Variants in MYH2 observed in about 807,000 individuals in gnomAD.
MYH2 encodes the protein myosin-2.
Under a neutral mutation model 228.1 loss-of-function variants are expected in MYH2, and 139 were observed. The ratio of observed to expected loss-of-function variants is 0.61; its 90% CI spans 0.53 to 0.70. The LOEUF (loss-of-function observed/expected upper bound fraction) is 0.70. MYH2 is among the 30% of genes least tolerant of loss of function. The pLI is 0.00. For synonymous variants in MYH2, 796 were observed against 871.1 expected, an observed-to-expected ratio of 0.91 and a Z score of 1.52; for missense variants, 1,809 against 2,357.5, an observed-to-expected ratio of 0.77 and a Z score of 4.82.
At position 10,525,498 on chromosome 17, in the gene MYH2, G is replaced by T; in HGVS notation, c.4490C>A (p.Ser1497Tyr). ...LFKIKNAYEE[S>Y]LDQLETLKRE... Reference sequence around the variant, plus strand: ...CTTCAGGGTTTCTAGCTGATCCAAAGATTCCTCATAGGCATTCTTTATCTT... The same window carrying T: ...CTTCAGGGTTTCTAGCTGATCCAAATATTCCTCATAGGCATTCTTTATCTT... The change falls in exon 32 of 40, where the codon TCT becomes TAT. Residue 1497 changes from serine (S) to tyrosine (Y), a missense_variant. Around this residue, in one of 9 missense-constraint regions of MYH2, gnomAD observed 636 missense variants for 729.9 expected, o/e 0.87. Transcript: ENST00000245503. This position sits in a 1 kb window ranked among gnomAD's most constrained non-coding sequence, Gnocchi z 4.2. 1 of 1,614,186 alleles carries T rather than the reference G, an allele frequency of 6.2e-7. No homozygotes were observed. Among genetic ancestry groups the T allele is most frequent in the Non-Finnish European group, 8.5e-7 (1 of 1,180,032 alleles).
Position 10,529,684 on chromosome 17 carries a change from G to C in MYH2, c.2997C>G (p.Thr999=), listed in dbSNP as rs758144664. Residue 999 remains threonine (T), a synonymous_variant, in exon 24 of 40, where the codon ACC becomes ACG. Transcript: ENST00000245503. The part of the protein sequence containing the change: ...AGLDETIAKL[T]KEKKALQEAH... ...CCTCCTGGAGAGCCTTCTTCTCCTTGGTCAGCTTAGCAATGGTTTCATCCA... is the reference window on the plus strand; with the variant it reads ...CCTCCTGGAGAGCCTTCTTCTCCTTCGTCAGCTTAGCAATGGTTTCATCCA... 1.2e-5 allele frequency: 20 copies of C among 1,613,850 alleles called. No homozygotes were observed. The highest frequency in any genetic ancestry group is 1.7e-5 in the Non-Finnish European group (20 of 1,180,020).
At position 10,539,317 on chromosome 17, in the gene MYH2, T is replaced by C. The variant is rs2073522084; in HGVS notation, c.1304A>G (p.Tyr435Cys). 1.9e-6 allele frequency: 3 copies of C among 1,614,226 alleles called. No individual in the cohort carries two copies. Among genetic ancestry groups the C allele is most frequent in the African/African-American group, 1.3e-5 (1 of 75,056 alleles). Residue 435 changes from tyrosine (Y) to cysteine (C), a missense_variant, in exon 14 of 40, where the codon TAC becomes TGC. This residue lies in a region of MYH2 where 373 missense variants were observed against 620.4 expected (regional missense o/e 0.60). Coordinates refer to ENST00000245503, the MANE Select transcript of MYH2 (RefSeq NM_017534.6). ...AACCATCCACAGGAACATCTTCTCGTAGACGGCTTTGGCCAGAGCACCTAC... is the reference window on the plus strand; with the variant it reads ...AACCATCCACAGGAACATCTTCTCGCAGACGGCTTTGGCCAGAGCACCTAC... Reference protein sequence around the residue: ...NAVGALAKAVYEKMFLWMVAR... With the variant: ...NAVGALAKAVCEKMFLWMVAR...
rs766450800 is a variant in MYH2, at chr17:10,547,955, A to T, written c.-20-15T>A. ...ACTCAGAGGTCCTAAAGGAGATAAA[A>T]CTTTCACATTAGAGAGTCTGGATTG... On this transcript the variant is annotated splice_polypyrimidine_tract_variant and intron_variant, in intron 2 of 39. Coordinates refer to ENST00000245503, the MANE Select transcript of MYH2 (RefSeq NM_017534.6). 1 of 1,603,122 alleles carries T rather than the reference A, an allele frequency of 6.2e-7. No individual in the cohort carries two copies. Among genetic ancestry groups the T allele is most frequent in the South Asian group, 1.1e-5 (1 of 90,718 alleles).
chr17:10,528,789 G>T lies in MYH2; in HGVS notation c.3645C>A (p.Asn1215Lys). ...CCAGCTTCTGCTTCACTCGCTGCAG[G>T]TTGTCAATCTGCTCCCCAAGCTCGG... ...SVAELGEQID[N>K]LQRVKQKLEK... Residue 1215 changes from asparagine to lysine, a missense_variant, in exon 27 of 40, where the codon AAC becomes AAA. By Grantham distance (94) the Asn-to-Lys change is moderately conservative. This residue lies in a region of MYH2 where 636 missense variants were observed against 729.9 expected (regional missense o/e 0.87). Coordinates refer to ENST00000245503, the MANE Select transcript of MYH2 (RefSeq NM_017534.6). The T allele has an allele frequency of 6.2e-7, 1 of 1,614,158 alleles. No individual in the cohort carries two copies. Among genetic ancestry groups the T allele is most frequent in the Non-Finnish European group, 8.5e-7 (1 of 1,180,028 alleles).
Position 10,531,707 on chromosome 17 carries a change from T to C in MYH2, c.2623A>G (p.Lys875Glu). 1 of 1,614,216 alleles carries C rather than the reference T, an allele frequency of 6.2e-7. No individual in the cohort carries two copies. The highest frequency in any genetic ancestry group is 8.5e-7 in the Non-Finnish European group (1 of 1,180,032). The change falls in exon 22 of 40, where the codon AAA (lysine) becomes GAA (glutamate). Residue 875 changes from lysine to glutamate, a missense_variant. By Grantham distance (56) the Lys-to-Glu change is moderately conservative. This residue lies in a region of MYH2 where 276 missense variants were observed against 344.2 expected (regional missense o/e 0.80). Transcript: ENST00000245503. Reference protein sequence around the residue: ...IKDELAKSEAKRKELEEKMVT... With the variant: ...IKDELAKSEAERKELEEKMVT... ...ATCTTTTCTTCCAGTTCCTTCCTTT[T>C]TGCCTCTGACTTGGCAAGTTCGTCT...
Position 10,523,609 on chromosome 17 carries a change from G to A in MYH2, c.5359C>T (p.Arg1787Trp), listed in dbSNP as rs140762786. Residue 1787 changes from arginine (R) to tryptophan (W), a missense_variant, in exon 37 of 40, where the codon CGG becomes TGG. Transcript: ENST00000245503. ...KEQDTSAHLE[R>W]MKKNMEQTVK... ...GTCTGCTCCATGTTCTTCTTCATCC[G>A]CTCCAGGTGGGCGCTGGTGTCCTGC... The A allele has an allele frequency of 5.6e-6, 9 of 1,614,026 alleles. No homozygotes were observed. The highest frequency in any genetic ancestry group is 2.7e-5 in the African/African-American group (2 of 74,896).
rs1436685526 is a variant in MYH2, at chr17:10,529,625, T to A, written c.3056A>T (p.Glu1019Val). The A allele has an allele frequency of 6.2e-7, 1 of 1,614,166 alleles. No individual in the cohort carries two copies. Among genetic ancestry groups the A allele is most frequent in the East Asian group, 2.2e-5 (1 of 44,872 alleles). ...HQQTLDDLQAEEDKVNTLTKA... is the reference protein window; with the variant it reads ...HQQTLDDLQAVEDKVNTLTKA... ...GGTCAGGGTGTTGACTTTGTCCTCC[T>A]CTGCCTGCAGGTCATCCAGGGTCTG... Residue 1019 changes from glutamate (E) to valine (V), a missense_variant, in exon 24 of 40, where the codon GAG becomes GTG. Glu to Val is a moderately radical substitution (Grantham distance 121, BLOSUM62 -2). Transcript: ENST00000245503.
intron 4 of MYH2, 152 bp from the exon 5 acceptor site, chr17:10,545,654 TC>T (rs1357164047): frequency 9.4e-7 from 1 of 1,060,666 alleles, no homozygotes; most frequent in Non-Finnish European, 1.4e-6. Context: ...AGCCCCAACC[TC>T]CCGGGCTCAA....
chr17:10,540,726 A>T, intron 10 of MYH2, 29 bp from the exon 11 acceptor site: 4 of 1,499,060 alleles, frequency 2.7e-6, no homozygotes, highest in Non-Finnish European at 2.8e-6. Flanking sequence ...ACAAAGATAA[A>T]CATAATTATC....
chr17:10,538,171 A>G (rs757998532), intron 14 of MYH2, among the ~76,000 whole-genome samples: 33 of 152,170 alleles, frequency 2.2e-4, no homozygotes, highest in Non-Finnish European at 3.8e-4. Context: ...GAAGGTTTAC[A>G]GTTTTCTGTT....
chr17:10,523,613 C>A lies in MYH2; in HGVS notation c.5355G>T (p.Leu1785=), dbSNP rs113280351. The A allele has an allele frequency of 5.1e-5, 83 of 1,614,226 alleles. 1 individual carries two copies. In the African/African-American group the frequency reaches 8.8e-4, roughly 17 times the overall value. The change falls in exon 37 of 40, where the codon CTG becomes CTT. Residue 1785 remains leucine, a synonymous_variant. Transcript: ENST00000245503. ...LKKEQDTSAH[L]ERMKKNMEQT... Reference sequence around the variant, plus strand: ...GCTCCATGTTCTTCTTCATCCGCTCCAGGTGGGCGCTGGTGTCCTGCTCCT... The same window carrying A: ...GCTCCATGTTCTTCTTCATCCGCTCAAGGTGGGCGCTGGTGTCCTGCTCCT...
In MYH2 at chr17:10,525,893, G is replaced by A. The variant is rs1054039813; in HGVS notation, c.4188-17C>T. 1 of 1,613,102 alleles carries A rather than the reference G, an allele frequency of 6.2e-7. No homozygotes were observed. Among genetic ancestry groups the A allele is most frequent in the East Asian group, 2.2e-5 (1 of 44,874 alleles). On this transcript the variant is annotated splice_polypyrimidine_tract_variant and intron_variant, in intron 30 of 39. Transcript: ENST00000245503. This position sits in a 1 kb window ranked among gnomAD's most constrained non-coding sequence, Gnocchi z 4.2. The stretch of plus-strand genomic sequence containing the variant: ...AGCTTCTTCCTTGAATATTATACAT[G>A]TTTTCAGAGAGAAGTGAACCATAAT...
chr17:10,529,789 G>A (rs1282054531), intron 23 of MYH2, 43 bp downstream of exon 23: 3 of 1,613,874 alleles, frequency 1.9e-6, no homozygotes, highest in Non-Finnish European at 2.5e-6. Context: ...ACCTTTGTTG[G>A]GTGGCAGAAC....
chr17:10,547,339 T>C, intron 4 of MYH2, 136 bp downstream of exon 4: 1 of 1,183,278 alleles, frequency 8.5e-7, no homozygotes, highest in Non-Finnish European at 1.3e-6. Flanking sequence ...ATAGCAATCA[T>C]GAAGCCTTTT....
chr17:10,533,196 G>C (rs1178779035), intron 21 of MYH2, 89 bp downstream of exon 21: 2 of 1,565,628 alleles, frequency 1.3e-6, no homozygotes, highest in East Asian at 2.2e-5. Flanking sequence ...TTCTTCTTTA[G>C]TGTCCTTATC....
In MYH2 at chr17:10,537,956, T is replaced by C; in HGVS notation, c.1417-121A>G. ...TTTATATTACAGATATTAAAATCAC[T>C]GGGTTAAAGAGACTTTGAAATAAAA... is the stretch of plus-strand genomic sequence containing the variant. On this transcript the variant is annotated intron_variant, in intron 14 of 39. Transcript: ENST00000245503. This position sits in a 1 kb window ranked among gnomAD's most constrained non-coding sequence, Gnocchi z 4.0. 1 of 1,529,002 alleles carries C rather than the reference T, an allele frequency of 6.5e-7. No individual in the cohort carries two copies. The highest frequency in any genetic ancestry group is 1.4e-5 in the African/African-American group (1 of 72,206). 94.7% of individuals were successfully genotyped at this position (1,529,002 alleles called of 1,614,324 possible).
In MYH2 at chr17:10,524,143, C is replaced by T. The variant is rs2073319402; in HGVS notation, c.5176-259G>A. On this transcript the variant is annotated intron_variant, in intron 35 of 39. Coordinates refer to ENST00000245503, the MANE Select transcript of MYH2 (RefSeq NM_017534.6). This position sits in a 1 kb window ranked among gnomAD's most constrained non-coding sequence, Gnocchi z 4.7. ...AATTATCATTTACCAATAGACCATT[C>T]ACAGGGATAAAAGTATAATGGACTT... Among the ~76,000 whole-genome samples, 1 of 152,162 alleles carries T rather than the reference C, an allele frequency of 6.6e-6. No individual in the cohort carries two copies. The highest frequency in any genetic ancestry group is 1.5e-5 in the Non-Finnish European group (1 of 68,036).
intron 16 of MYH2, 92 bp from the exon 17 acceptor site, chr17:10,536,698 T>A: frequency 8.4e-7 from 1 of 1,186,294 alleles, no homozygotes; most frequent in Non-Finnish European, 1.2e-6. Context: ...GAGTGGAGCC[T>A]TTTTTCTACC....
rs2073450222 is a variant in MYH2, at chr17:10,533,603, G to A, written c.2210C>T (p.Pro737Leu). The change falls in exon 20 of 40, where the codon CCT becomes CTT. Residue 737 changes from proline to leucine, a missense_variant. Physicochemically the swap from Pro to Leu is moderately conservative, Grantham distance 98 (BLOSUM62 -3). Transcript: ENST00000245503. ...CTTGCTATCAATGAATTGCCCTTCA[G>A]GGATTGCACTTGCATTTAATACCTT... is the stretch of plus-strand genomic sequence containing the variant. ...RYKVLNASAI[P>L]EGQFIDSKKA... The A allele has an allele frequency of 6.2e-7, 1 of 1,614,156 alleles. No individual in the cohort carries two copies. The highest frequency in any genetic ancestry group is 1.1e-5 in the South Asian group (1 of 91,076).
Sources: allele counts gnomAD v4.1 joint callset (sites outside exome capture counted in the v4.1 genomes callset), GRCh38; gene constraint gnomAD v4.1.1; regional missense constraint gnomAD v4.1.1; non-coding constraint Gnocchi (gnomAD v3.1); transcripts MANE v1.5; gene names NCBI Gene and HGNC (gene_info 2026-07-23, HGNC 2026-07-21).